The following SNRPD3 variants were observed in gnomAD, a reference collection of about 807,000 sequenced individuals.
SNRPD3 encodes small nuclear ribonucleoprotein D3 polypeptide, also known as small nuclear ribonucleoprotein Sm D3.
For missense variants in SNRPD3, 73 were observed against 167.5 expected (o/e 0.44, Z 3.11); for synonymous variants, 66 against 58.4 (o/e 1.13, Z -0.59).
Position 24,567,989 on chromosome 22 carries a change from C to A in SNRPD3, c.132C>A (p.Ser44=). The change falls in exon 3 of 4, where the codon TCC becomes TCA. Residue 44 remains serine, a synonymous_variant. Transcript: ENST00000215829. ...AGCTGGTGATTTCCTTCCAGATGTC[C>A]AACATCACAGTCACATACAGAGATG... is the stretch of plus-strand genomic sequence containing the variant. ...EAEDNMNCQM[S]NITVTYRDGR... is the part of the protein sequence containing the mutation. 1 of 1,591,854 alleles carries A rather than the reference C, an allele frequency of 6.3e-7. No homozygotes were observed.
At chr22:24,555,725 GT>G, upstream of SNRPD3, 19 of 1,550,656 alleles carry the variant, frequency 1.2e-5, no homozygotes, top group Non-Finnish European at 1.7e-5. Flanking sequence ...CCGCCTTGCC[GT>G]CCAGCCTGTC....
chr22:24,569,807 T>G (rs2045232285), intron 3 of SNRPD3, among the ~76,000 whole-genome samples: 1 of 152,212 alleles, frequency 6.6e-6, no homozygotes, highest in East Asian at 1.9e-4. Flanking sequence ...ACAGGATATT[T>G]TATAGGCTAC....
In SNRPD3 at chr22:24,572,025, G is replaced by C; in HGVS notation, c.*48G>C. 3.1e-6 allele frequency: 5 copies of C among 1,609,112 alleles called. No homozygotes were observed. The highest frequency in any genetic ancestry group is 4.2e-6 in the Non-Finnish European group (5 of 1,177,282). ...TGTCCTTTTTTCTTTCAGGTTATCT[G>C]AGTTCATTGGAGTGGGTGCTTGTGC... On this transcript the variant is annotated 3_prime_UTR_variant, in exon 4 of 4. Transcript: ENST00000215829.
At chr22:24,555,729 A>T, upstream of SNRPD3, 3 of 1,550,634 alleles carry the variant, frequency 1.9e-6, no homozygotes, top group Non-Finnish European at 2.6e-6. Context: ...CTTGCCGTCC[A>T]GCCTGTCCTT....
In SNRPD3 at chr22:24,556,026, G is replaced by C. The variant is rs1358943501; in HGVS notation, c.-64G>C. Reference sequence around the variant, plus strand: ...TCGCTTGACTCACGCCTTCGCCGTAGCATCTTTCGCAGCGGACCGAAGAGA... The same window carrying C: ...TCGCTTGACTCACGCCTTCGCCGTACCATCTTTCGCAGCGGACCGAAGAGA... On this transcript the variant is annotated 5_prime_UTR_variant, in exon 1 of 4. Coordinates refer to ENST00000215829, the MANE Select transcript of SNRPD3 (RefSeq NM_004175.5). 3.2e-6 allele frequency: 2 copies of C among 627,288 alleles called. No homozygotes were observed. Among genetic ancestry groups the C allele is most frequent in the Admixed American group, 2.9e-5 (1 of 34,562 alleles). The allele number at this position is 627,288 out of a possible 1,614,324, so 38.9% of individuals were successfully genotyped here.
rs930647816 is a variant in SNRPD3, at chr22:24,574,768, C to T, written c.*2791C>T. 1.1e-4 allele frequency among the ~76,000 whole-genome samples: 17 copies of T among 152,190 alleles called. No homozygotes were observed. The highest frequency in any genetic ancestry group is 2.1e-4 in the South Asian group (1 of 4,818). ...TGTTGCCCAAGCTGGTCTTGAACTC[C>T]GGGGCTCAAGTGATCTGCCCGCCTC... is the stretch of plus-strand genomic sequence containing the variant. On this transcript the variant is annotated 3_prime_UTR_variant, in exon 4 of 4. Coordinates refer to ENST00000215829, the MANE Select transcript of SNRPD3 (RefSeq NM_004175.5).
At chr22:24,555,897 G>A (rs963005243), upstream of SNRPD3, 4 of 1,482,272 alleles carry the variant, frequency 2.7e-6, no homozygotes, top group African/African-American at 4.2e-5. Flanking sequence ...GGAGTGAGGA[G>A]GAAGCGGAGG....
At chr22:24,556,377 T>G (rs758123060) in intron 1 of SNRPD3, among the ~76,000 whole-genome samples, 15 of 910 alleles carry the variant, frequency 0.016, no homozygotes, top group East Asian at 0.077. Flanking sequence ...TTTTTTTTTG[T>G]TTTTTTTTTT....
Position 24,557,790 on chromosome 22 carries a change from T to C in SNRPD3, c.116T>C (p.Met39Thr). The change falls in exon 2 of 4, where the codon ATG becomes ACG. Residue 39 changes from methionine to threonine, a missense_variant. By Grantham distance (81) the Met-to-Thr change is moderately conservative (BLOSUM62 -1). Transcript: ENST00000215829. ...RGKLIEAEDN[M>T]NCQMSNITVT... ...AAGCTCATTGAAGCAGAGGACAACA[T>C]GAACTGCCAGGTATTCTGCTTTGCA... is the stretch of plus-strand genomic sequence containing the variant. 1 of 1,608,280 alleles carries C rather than the reference T, an allele frequency of 6.2e-7. No homozygotes were observed. The highest frequency in any genetic ancestry group is 8.5e-7 in the Non-Finnish European group (1 of 1,177,742).
chr22:24,555,863 G>A, upstream of SNRPD3: 2 of 1,526,866 alleles, frequency 1.3e-6, no homozygotes, highest in Non-Finnish European at 8.8e-7. Context: ...TCGTACTGGT[G>A]CCCTAGTTTC....
Position 24,557,147 on chromosome 22 carries a change from G to A in SNRPD3, c.-18-510G>A, listed in dbSNP as rs544012618. Among the ~76,000 whole-genome samples the A allele has an allele frequency of 1.7e-4, 26 of 152,206 alleles. No individual in the cohort carries two copies. In the South Asian group the frequency reaches 5.4e-3, roughly 32 times the overall value. On this transcript the variant is annotated intron_variant, in intron 1 of 3. Coordinates refer to ENST00000215829, the MANE Select transcript of SNRPD3 (RefSeq NM_004175.5). Reference sequence around the variant, plus strand: ...TATGGCCACTGGGATTGAGGGACTGGGTTTTTTTATTTTAATTCTATTGTG... The same window carrying A: ...TATGGCCACTGGGATTGAGGGACTGAGTTTTTTTATTTTAATTCTATTGTG...
chr22:24,570,615 G>A lies in SNRPD3; in HGVS notation c.320-1301G>A, dbSNP rs190003324. 3.2e-3 allele frequency among the ~76,000 whole-genome samples: 486 copies of A among 152,108 alleles called. 3 individuals carry two copies. The highest frequency in any genetic ancestry group is 0.011 in the African/African-American group (465 of 41,496). On this transcript the variant is annotated intron_variant, in intron 3 of 3. Transcript: ENST00000215829. Reference sequence around the variant, plus strand: ...GGAGAATCGCTTGAACCCAGGAGGTGGAGGTTGCAGTGAGCCGAAATCGTG... The same window carrying A: ...GGAGAATCGCTTGAACCCAGGAGGTAGAGGTTGCAGTGAGCCGAAATCGTG...
chr22:24,559,647 C>A (rs181027326), intron 2 of SNRPD3, among the ~76,000 whole-genome samples: 1 of 152,216 alleles, frequency 6.6e-6, no homozygotes, highest in African/African-American at 2.4e-5. Context: ...TGACTTGGGG[C>A]GAGCTTAGCT....
chr22:24,573,663 C>G lies in SNRPD3; in HGVS notation c.*1686C>G, dbSNP rs1235064718. ...GTCGAGGCGGGAGGATCACTTGAAC[C>G]TAGGAGTTTGAGACTAGCCTGGGCT... is the stretch of plus-strand genomic sequence containing the variant. On this transcript the variant is annotated 3_prime_UTR_variant, in exon 4 of 4. Coordinates refer to ENST00000215829, the MANE Select transcript of SNRPD3 (RefSeq NM_004175.5). Among the ~76,000 whole-genome samples, 1 of 152,154 alleles carries G rather than the reference C, an allele frequency of 6.6e-6. No individual in the cohort carries two copies. Among genetic ancestry groups the G allele is most frequent in the Non-Finnish European group, 1.5e-5 (1 of 68,024 alleles).
rs1188444507 is a variant in SNRPD3, at chr22:24,574,002, G to A, written c.*2025G>A. Among the ~76,000 whole-genome samples the A allele has an allele frequency of 6.6e-6, 1 of 152,160 alleles. No individual in the cohort carries two copies. Among genetic ancestry groups the A allele is most frequent in the Non-Finnish European group, 1.5e-5 (1 of 68,032 alleles). ...AATCTGCATTTTAAACAATTCCCTG[G>A]TCCCCAGATAAGTAATTCTTAAGTA... On this transcript the variant is annotated 3_prime_UTR_variant, in exon 4 of 4. Transcript: ENST00000215829.
chr22:24,565,796 G>A (rs1220171057), intron 2 of SNRPD3, among the ~76,000 whole-genome samples: 1 of 152,150 alleles, frequency 6.6e-6, no homozygotes, highest in Non-Finnish European at 1.5e-5. Context: ...GAGTAGGTGG[G>A]ACTACAGGCA....
chr22:24,558,258 T>C (rs768569570), intron 2 of SNRPD3, among the ~76,000 whole-genome samples: 4 of 152,240 alleles, frequency 2.6e-5, no homozygotes, highest in Non-Finnish European at 5.9e-5. Flanking sequence ...GATAGTCTTG[T>C]CATCCATAAA....
At chr22:24,557,148 G>GT (rs532821458) in intron 1 of SNRPD3, among the ~76,000 whole-genome samples, 91 of 152,228 alleles carry the variant, frequency 6.0e-4, no homozygotes, top group African/African-American at 1.8e-3. Context: ...GAGGGACTGG[G>GT]TTTTTTTATT....
At chr22:24,568,237 GGCCCTATTACT>G in intron 3 of SNRPD3, 61 bp downstream of exon 3, 1 of 1,362,036 alleles carries the variant, frequency 7.3e-7, no homozygotes, top group Non-Finnish European at 1.0e-6. Flanking sequence ...TGTAGAAAGG[GGCCCTATTACT>G]GCCTGGAGAC....
Sources: allele counts gnomAD v4.1 joint callset (sites outside exome capture counted in the v4.1 genomes callset), GRCh38; gene constraint gnomAD v4.1.1; transcripts MANE v1.5; gene names NCBI Gene and HGNC (gene_info 2026-07-23, HGNC 2026-07-21).